OR56A1: variants seen among roughly 807,000 people sequenced by gnomAD.
OR56A1 encodes the protein olfactory receptor 56A1.
For synonymous variants in OR56A1, 174 were observed against 159.1 expected (o/e 1.09, Z -0.70); for missense variants, 360 against 380.9 (o/e 0.94, Z 0.46).
chr11:6,023,054 A>G lies in OR56A1; in HGVS notation c.*3694T>C, dbSNP rs1245833174. On this transcript the variant is annotated 3_prime_UTR_variant, in exon 2 of 2. Coordinates refer to ENST00000641900, the MANE Select transcript of OR56A1 (RefSeq NM_001388488.1). The stretch of plus-strand genomic sequence containing the variant: ...AATCACTCAAGTCCCTATGTGCCCT[A>G]TGAGCAGGAAGTACAGGAGTTTTCT... The G allele has an allele frequency of 6.6e-6, 1 of 152,192 alleles. No individual in the cohort carries two copies. The highest frequency in any genetic ancestry group is 1.5e-5 in the Non-Finnish European group (1 of 68,018). The allele number at this position is 152,192 out of a possible 1,614,324, so 9.4% of individuals were successfully genotyped here.
Position 6,021,865 on chromosome 11 carries a change from AAAGC to A in OR56A1, c.*4879_*4882del. ...TAAAAATATTGCAATATCTGCTCCTAAAGCATTCTCGCATTACTATTAAGTTACT... is the reference window on the plus strand; with the variant it reads ...TAAAAATATTGCAATATCTGCTCCTAATTCTCGCATTACTATTAAGTTACT... On this transcript the variant is annotated 3_prime_UTR_variant, in exon 2 of 2. Coordinates refer to ENST00000641900, the MANE Select transcript of OR56A1 (RefSeq NM_001388488.1). 1 of 152,144 alleles carries A rather than the reference AAAGC, an allele frequency of 6.6e-6. No homozygotes were observed. Among genetic ancestry groups the A allele is most frequent in the South Asian group, 2.1e-4 (1 of 4,836 alleles). The allele number at this position is 152,144 out of a possible 1,614,324, so 9.4% of individuals were successfully genotyped here. A position where few individuals can be genotyped will look rare whatever the true frequency, so the allele number is the denominator to read the frequency against.
upstream of OR56A1, among the ~76,000 whole-genome samples, chr11:6,033,529 A>G (rs1310798319): frequency 6.6e-6 from 1 of 151,586 alleles, no homozygotes; most frequent in East Asian, 1.9e-4. Flanking sequence ...GGTTCCAATT[A>G]GTACATCTGG....
In OR56A1 at chr11:6,026,588, C is replaced by T. The variant is rs558990849; in HGVS notation, c.*160G>A. On this transcript the variant is annotated 3_prime_UTR_variant, in exon 2 of 2. Coordinates refer to ENST00000641900, the MANE Select transcript of OR56A1 (RefSeq NM_001388488.1). Reference sequence around the variant, plus strand: ...GTTTCTTCCCCTTGCCTACCTCCACCTGAACTAGGCAAGGAAAGTAAAGGA... The same window carrying T: ...GTTTCTTCCCCTTGCCTACCTCCACTTGAACTAGGCAAGGAAAGTAAAGGA... 10 of 561,276 alleles carry T rather than the reference C, an allele frequency of 1.8e-5. No individual in the cohort carries two copies. In the African/African-American group the frequency reaches 1.9e-4, roughly 10 times the overall value. 34.8% of individuals were successfully genotyped at this position (561,276 alleles called of 1,614,324 possible). A position where few individuals can be genotyped will look rare whatever the true frequency, so the allele number is the denominator to read the frequency against.
rs142923444 is a variant in OR56A1, at chr11:6,022,719, A to G, written c.*4029T>C. On this transcript the variant is annotated 3_prime_UTR_variant, in exon 2 of 2. Coordinates refer to ENST00000641900, the MANE Select transcript of OR56A1 (RefSeq NM_001388488.1). ...TTGCTCAGTTGCCTCATCTGCAAAA[A>G]TGGGAATTATAATTCATGGGCTATT... 6.6e-6 allele frequency: 1 copy of G among 152,272 alleles called. No homozygotes were observed. The highest frequency in any genetic ancestry group is 2.4e-5 in the African/African-American group (1 of 41,560). 9.4% of individuals were successfully genotyped at this position (152,272 alleles called of 1,614,324 possible).
rs1848375131 is a variant in OR56A1, at chr11:6,019,683, C to T, written c.*7065G>A. On this transcript the variant is annotated 3_prime_UTR_variant, in exon 2 of 2. Coordinates refer to ENST00000641900, the MANE Select transcript of OR56A1 (RefSeq NM_001388488.1). ...AGACCCACCCCCATAATTAAATTGCCTCCCAATTGTCTTTCCAATTTAAAA... is the reference window on the plus strand; with the variant it reads ...AGACCCACCCCCATAATTAAATTGCTTCCCAATTGTCTTTCCAATTTAAAA... The T allele has an allele frequency of 6.6e-6, 1 of 152,066 alleles. No homozygotes were observed. Among genetic ancestry groups the T allele is most frequent in the Non-Finnish European group, 1.5e-5 (1 of 67,978 alleles). 9.4% of individuals were successfully genotyped at this position (152,066 alleles called of 1,614,324 possible).
rs751508668 is a variant in OR56A1, at chr11:6,026,910, C to T, written c.783G>A (p.Val261=). The T allele has an allele frequency of 6.2e-7, 1 of 1,614,150 alleles. No individual in the cohort carries two copies. The highest frequency in any genetic ancestry group is 8.5e-7 in the Non-Finnish European group (1 of 1,180,024). The stretch of plus-strand genomic sequence containing the variant: ...TCTTTCTGGCCACGTTTGTCAACAC[C>T]ACAACCAGCAGTATGGTGCTGAAGA... The part of the protein sequence containing the change: ...ILFFSTILLV[V]VLTNVARKKV... The change falls in exon 2 of 2, where the codon GTG becomes GTA. Residue 261 remains valine (V), a synonymous_variant. Coordinates refer to ENST00000641900, the MANE Select transcript of OR56A1 (RefSeq NM_001388488.1).
At position 6,027,724 on chromosome 11, in the gene OR56A1, T is replaced by G; in HGVS notation, c.-32A>C. On this transcript the variant is annotated splice_region_variant and 5_prime_UTR_variant, in exon 2 of 2. Transcript: ENST00000641900. ...AATCATGAGCTGAGTAGGCTTCTGA[T>G]GACTATGTTTATGGGCAGATACAAG... The G allele has an allele frequency of 6.7e-7, 1 of 1,499,212 alleles. No homozygotes were observed. The highest frequency in any genetic ancestry group is 9.0e-7 in the Non-Finnish European group (1 of 1,111,138). 92.9% of individuals were successfully genotyped at this position (1,499,212 alleles called of 1,614,324 possible). A position where few individuals can be genotyped will look rare whatever the true frequency, so the allele number is the denominator to read the frequency against.
At chr11:6,027,797 T>G in intron 1 of OR56A1, 71 bp from the exon 2 acceptor site, 4 of 956,460 alleles carry the variant, frequency 4.2e-6, no homozygotes, top group South Asian at 1.7e-5. Flanking sequence ...TCACTTACTC[T>G]TTAGGAAGCC....
At chr11:6,031,528 T>C (rs1362015105), upstream of OR56A1, among the ~76,000 whole-genome samples, 2 of 152,120 alleles carry the variant, frequency 1.3e-5, no homozygotes. Flanking sequence ...GCACTGAGGA[T>C]GGGAAGAAGG....
chr11:6,020,033 CTTTT>C lies in OR56A1; in HGVS notation c.*6711_*6714del, dbSNP rs1441013757. ...CTGGTAAATGTAAGAGCTCTAGTGA[CTTTT>C]TCAGAAAATGTATCAAGGTTTATTT... On this transcript the variant is annotated 3_prime_UTR_variant, in exon 2 of 2. Coordinates refer to ENST00000641900, the MANE Select transcript of OR56A1 (RefSeq NM_001388488.1). The C allele has an allele frequency of 7.9e-5, 12 of 152,054 alleles. No homozygotes were observed. Among genetic ancestry groups the C allele is most frequent in the Non-Finnish European group, 1.8e-4 (12 of 67,978 alleles). 9.4% of individuals were successfully genotyped at this position (152,054 alleles called of 1,614,324 possible).
At chr11:6,029,469 C>T (rs2133608972) in intron 1 of OR56A1, among the ~76,000 whole-genome samples, 1 of 152,246 alleles carries the variant, frequency 6.6e-6, no homozygotes, top group South Asian at 2.1e-4. Context: ...CATTTACACT[C>T]ACTGTCTCCA....
rs962865490 is a variant in OR56A1 at position 6,020,892 on chromosome 11, T to C, written c.*5856A>G. 2 of 152,040 alleles carry C rather than the reference T, an allele frequency of 1.3e-5. No individual in the cohort carries two copies. The highest frequency in any genetic ancestry group is 2.9e-5 in the Non-Finnish European group (2 of 67,926). The allele number at this position is 152,040 out of a possible 1,614,324, so 9.4% of individuals were successfully genotyped here. ...GCATCTTTGCCTTGTGCCAGTTTTA[T>C]AGGGGAATGCTTCCATCTTTTGCCC... On this transcript the variant is annotated 3_prime_UTR_variant, in exon 2 of 2. Transcript: ENST00000641900.
chr11:6,033,397 T>C (rs1445084652), upstream of OR56A1, among the ~76,000 whole-genome samples: 5 of 150,916 alleles, frequency 3.3e-5, no homozygotes, highest in Non-Finnish European at 7.4e-5. Flanking sequence ...ATTGGCAATA[T>C]TAACCAACAT....
At position 6,027,317 on chromosome 11, in the gene OR56A1, A is replaced by G; in HGVS notation, c.376T>C (p.Tyr126His). 6.2e-7 allele frequency: 1 copy of G among 1,614,234 alleles called. No homozygotes were observed. Among genetic ancestry groups the G allele is most frequent in the African/African-American group, 1.3e-5 (1 of 75,054 alleles). Residue 126 changes from tyrosine to histidine, a missense_variant, in exon 2 of 2, where the codon TAT (tyrosine) becomes CAT (histidine). Coordinates refer to ENST00000641900, the MANE Select transcript of OR56A1 (RefSeq NM_001388488.1). ...CGCAGTGGGTGGCAGATGGCCACAT[A>G]ACGGTCATAGGCCATGACCATAAAC... The part of the protein sequence containing the change: ...CTFMVMAYDR[Y>H]VAICHPLRYP...
chr11:6,028,940 A>G (rs1424574657), intron 1 of OR56A1, among the ~76,000 whole-genome samples: 1 of 152,122 alleles, frequency 6.6e-6, no homozygotes, highest in Non-Finnish European at 1.5e-5. Flanking sequence ...ACACAATGGA[A>G]TACTACTCAG....
rs1848394572 is a variant in OR56A1 at position 6,021,412 on chromosome 11, C to T, written c.*5336G>A. The T allele has an allele frequency of 6.6e-6, 1 of 152,016 alleles. No homozygotes were observed. The highest frequency in any genetic ancestry group is 1.5e-5 in the Non-Finnish European group (1 of 67,946). The allele number at this position is 152,016 out of a possible 1,614,324, so 9.4% of individuals were successfully genotyped here. A position where few individuals can be genotyped will look rare whatever the true frequency, so the allele number is the denominator to read the frequency against. ...AAGAAAGAATATTGAATATACCCAA[C>T]ACAAAGTAATGATAAATGTTTGAGA... On this transcript the variant is annotated 3_prime_UTR_variant, in exon 2 of 2. Coordinates refer to ENST00000641900, the MANE Select transcript of OR56A1 (RefSeq NM_001388488.1).
chr11:6,028,984 C>A (rs1300872425), intron 1 of OR56A1, among the ~76,000 whole-genome samples: 1 of 151,990 alleles, frequency 6.6e-6, no homozygotes, highest in South Asian at 2.1e-4. Context: ...TCTTTTGCAG[C>A]AACGTAGATA....
At position 6,023,690 on chromosome 11, in the gene OR56A1, G is replaced by C. The variant is rs1435993975; in HGVS notation, c.*3058C>G. On this transcript the variant is annotated 3_prime_UTR_variant, in exon 2 of 2. Coordinates refer to ENST00000641900, the MANE Select transcript of OR56A1 (RefSeq NM_001388488.1). ...GTTGGAACATATTCAGGTTGTATCA[G>C]CAAAGCAAATCTTCATAGACTTCCT... is the stretch of plus-strand genomic sequence containing the variant. 6.6e-6 allele frequency: 1 copy of C among 152,192 alleles called. No homozygotes were observed. The highest frequency in any genetic ancestry group is 2.4e-5 in the African/African-American group (1 of 41,454). The allele number at this position is 152,192 out of a possible 1,614,324, so 9.4% of individuals were successfully genotyped here. A position where few individuals can be genotyped will look rare whatever the true frequency, so the allele number is the denominator to read the frequency against.
At chr11:6,032,033 AATAAC>A (rs1478722686), upstream of OR56A1, among the ~76,000 whole-genome samples, 2 of 152,158 alleles carry the variant, frequency 1.3e-5, no homozygotes, top group African/African-American at 4.8e-5. Context: ...GTAGAAGTTC[AATAAC>A]ATAAGGACAG....
Sources: allele counts gnomAD v4.1 joint callset (sites outside exome capture counted in the v4.1 genomes callset), GRCh38; gene constraint gnomAD v4.1.1; transcripts MANE v1.5; gene names NCBI Gene and HGNC (gene_info 2026-07-23, HGNC 2026-07-21).